MIA2: variants seen among roughly 807,000 people sequenced by gnomAD.
MIA2 encodes MIA SH3 domain ER export factor 2.
Under a neutral mutation model 167.8 loss-of-function variants are expected in MIA2, and 127 were observed. The ratio of observed to expected loss-of-function variants is 0.76; its 90% CI spans 0.66 to 0.88. The LOEUF is 0.88. Ranked by LOEUF, MIA2 falls within the 40% of genes least tolerant of loss-of-function variation. The pLI is 0.00. For synonymous variants in MIA2, 552 were observed against 541.9 expected (o/e 1.02, Z -0.26); for missense variants, 1,690 against 1,624.7 (o/e 1.04, Z -0.69).
At chr14:39,298,413 T>TATATATA (rs2061741128) in intron 13 of MIA2, among the ~76,000 whole-genome samples, 1 of 26,136 alleles carries the variant, frequency 3.8e-5, no homozygotes, top group Non-Finnish European at 8.1e-5. Context: ...TGATTCTGTT[T>TATATATA]TATATATATA....
chr14:39,344,284 G>GT (rs1366724479), intron 25 of MIA2, among the ~76,000 whole-genome samples: 6 of 152,180 alleles, frequency 3.9e-5, no homozygotes, highest in African/African-American at 1.2e-4. Context: ...TTAAAAAAGA[G>GT]TTGGTGTTCA....
At chr14:39,311,995 A>G (rs9322998) in intron 18 of MIA2, among the ~76,000 whole-genome samples, 6 of 148,098 alleles carry the variant, frequency 4.1e-5, no homozygotes, top group Non-Finnish European at 5.9e-5. Context: ...ATGCCTGCCT[A>G]ATTTTTGTAT....
At chr14:39,380,283 GT>G (rs1341769307) in intron 23 of MIA2, among the ~76,000 whole-genome samples, 2 of 151,792 alleles carry the variant, frequency 1.3e-5, no homozygotes, top group African/African-American at 2.4e-5. Flanking sequence ...CACAATAAAA[GT>G]TAAACTTTTG....
intron 9 of MIA2, among the ~76,000 whole-genome samples, chr14:39,283,931 A>C (rs12892482): frequency 0.32 from 49,006 of 151,886 alleles, 8,404 homozygotes; most frequent in East Asian, 0.5. Context: ...ATTTTTTCTC[A>C]ATCTGTAGGT....
intron 21 of MIA2, among the ~76,000 whole-genome samples, chr14:39,315,977 A>AT (rs1378119818): frequency 2.0e-4 from 30 of 152,168 alleles, no homozygotes; most frequent in Non-Finnish European, 5.9e-5. Context: ...AAGGTGATAT[A>AT]ATGTTCATGG....
chr14:39,345,542 G>A (rs2073054860), intron 25 of MIA2, among the ~76,000 whole-genome samples: 1 of 151,986 alleles, frequency 6.6e-6, no homozygotes, highest in South Asian at 2.1e-4. Flanking sequence ...TTTTCCTTAT[G>A]TTAGTAGATG....
chr14:39,245,093 T>TTTTTTTTTTTTTAA, intron 3 of MIA2, among the ~76,000 whole-genome samples: 1 of 150,604 alleles, frequency 6.6e-6, no homozygotes, highest in African/African-American at 2.4e-5. Context: ...TTTTTTTTTT[T>TTTTTTTTTTTTTAA]AAAGACAGGA....
chr14:39,293,176 A>G, intron 10 of MIA2, 95 bp from the exon 11 acceptor site: 1 of 851,964 alleles, frequency 1.2e-6, no homozygotes, highest in Non-Finnish European at 1.9e-6. Flanking sequence ...AATGAAAGTT[A>G]TTTAACTTAT....
chr14:39,335,042 G>A (rs986760535), intron 25 of MIA2, among the ~76,000 whole-genome samples: 34 of 152,178 alleles, frequency 2.2e-4, no homozygotes, highest in African/African-American at 7.9e-4. Context: ...TTGAGGCCAG[G>A]AGTTCTGGAG....
intron 21 of MIA2, among the ~76,000 whole-genome samples, chr14:39,317,027 T>G (rs939693500): frequency 2.0e-5 from 3 of 152,150 alleles, no homozygotes; most frequent in African/African-American, 7.2e-5. Context: ...TAGATAAAGG[T>G]TATCTCAGAT....
At chr14:39,342,570 C>T (rs2153057233) in intron 25 of MIA2, among the ~76,000 whole-genome samples, 1 of 152,212 alleles carries the variant, frequency 6.6e-6, no homozygotes, top group South Asian at 2.1e-4. Context: ...AGTTCTAGAT[C>T]CCTGAGGAAT....
chr14:39,358,825 C>G (rs560947546), intron 23 of MIA2, among the ~76,000 whole-genome samples: 59 of 152,242 alleles, frequency 3.9e-4, no homozygotes, highest in African/African-American at 1.3e-3. Context: ...CACTCCAGAC[C>G]CTGTTTGCCT....
At chr14:39,379,142 A>AT (rs71435655) in intron 23 of MIA2, among the ~76,000 whole-genome samples, 9,321 of 148,794 alleles carry the variant, frequency 0.063, 338 homozygotes, top group Non-Finnish European at 0.083. Context: ...GTCTTTTATA[A>AT]TTTTTTTTTT....
intron 22 of MIA2, 71 bp downstream of exon 22, chr14:39,318,082 A>G (rs1256267216): frequency 1.8e-6 from 2 of 1,132,304 alleles, no homozygotes; most frequent in East Asian, 5.3e-5. Flanking sequence ...TACTTTTATA[A>G]GGTTAAGCAA....
intron 24 of MIA2, among the ~76,000 whole-genome samples, chr14:39,326,456 CAA>C (rs1010363101): frequency 6.6e-6 from 1 of 151,924 alleles, no homozygotes; most frequent in African/African-American, 2.4e-5. Flanking sequence ...AGTACATTTC[CAA>C]AAGAGTTTTT....
chr14:39,365,339 C>A (rs959209633), intron 23 of MIA2, among the ~76,000 whole-genome samples: 2 of 152,166 alleles, frequency 1.3e-5, no homozygotes, highest in African/African-American at 4.8e-5. Flanking sequence ...GTGGTACAGG[C>A]ATGAGCCACT....
At chr14:39,236,891 G>A (rs952876431) in intron 1 of MIA2, 31 bp from the exon 2 acceptor site, 7 of 1,573,704 alleles carry the variant, frequency 4.4e-6, no homozygotes, top group Non-Finnish European at 5.2e-6. Context: ...TTAATTTAAA[G>A]TGTGTATTTT....
intron 2 of MIA2, among the ~76,000 whole-genome samples, chr14:39,238,503 TA>T (rs2053873259): frequency 6.6e-6 from 1 of 151,846 alleles, no homozygotes; most frequent in African/African-American, 2.4e-5. Flanking sequence ...TAGAAAAAAA[TA>T]ACAGCTTGGG....
intron 6 of MIA2, among the ~76,000 whole-genome samples, chr14:39,258,270 G>A (rs988912702): frequency 6.6e-6 from 1 of 152,108 alleles, no homozygotes; most frequent in Non-Finnish European, 1.5e-5. Flanking sequence ...TTTCTTGGAG[G>A]TGTTGTTTGT....
Sources: gnomAD v4.1 joint callset for allele counts (sites outside exome capture counted in the v4.1 genomes callset) on GRCh38, gnomAD v4.1.1 for gene constraint, MANE v1.5 for transcripts, NCBI Gene and HGNC (gene_info 2026-07-23, HGNC 2026-07-21) for gene names.